Variants in HIVEP2 observed in about 807,000 individuals in gnomAD.
HIVEP2 encodes the protein transcription factor HIVEP2.
In HIVEP2, 14 loss-of-function variants were observed where a neutral mutation model predicts 180.7. The ratio of observed to expected loss-of-function variants is 0.08; its 90% CI spans 0.05 to 0.12. The LOEUF (loss-of-function observed/expected upper bound fraction) is 0.12. HIVEP2 is among the 10% of genes least tolerant of loss of function. The probability of loss-of-function intolerance (pLI) is 1.00; values close to 1 mark genes in which losing one functional copy is unlikely to be tolerated. For missense variants in HIVEP2, 2,579 were observed against 3,008.5 expected, an observed-to-expected ratio of 0.86 and a Z score of 3.34; for synonymous variants, 1,184 against 1,136.4, an observed-to-expected ratio of 1.04 and a Z score of -0.84.
chr6:142,934,721 C>G (rs1267896997), intron 1 of HIVEP2, among the ~76,000 whole-genome samples: 1 of 152,184 alleles, frequency 6.6e-6, no homozygotes, highest in Non-Finnish European at 1.5e-5. Context: ...AAGTACTGGA[C>G]CAGCCATCAA....
At chr6:142,761,425 T>A (rs1261851702) in intron 8 of HIVEP2, 39 bp downstream of exon 8, 1 of 997,554 alleles carries the variant, frequency 1.0e-6, no homozygotes. Flanking sequence ...CCACTGTGCA[T>A]AATGAAGAGG....
At chr6:142,768,250 G>T in intron 6 of HIVEP2, 132 bp downstream of exon 6, 1 of 805,836 alleles carries the variant, frequency 1.2e-6, no homozygotes, top group Non-Finnish European at 1.9e-6. Flanking sequence ...CCAGAGTTCA[G>T]AACTGTGAAT....
chr6:142,781,893 A>G (rs894314171), intron 3 of HIVEP2, among the ~76,000 whole-genome samples: 1 of 152,190 alleles, frequency 6.6e-6, no homozygotes, highest in Non-Finnish European at 1.5e-5. Flanking sequence ...GCAGAGGAAT[A>G]AAGACCTACA....
At chr6:142,837,117 C>T (rs1216020355) in intron 1 of HIVEP2, 70 bp from the exon 2 acceptor site, 1 of 152,088 alleles carries the variant, frequency 6.6e-6, no homozygotes, top group African/African-American at 2.4e-5. Context: ...ATTAATAACA[C>T]AAAAATCAAA....
At position 142,823,530 on chromosome 6, in the gene HIVEP2, TA is replaced by T. The variant is rs1395030443; in HGVS notation, c.-528+13404del. Among the ~76,000 whole-genome samples, 7 of 152,132 alleles carry T rather than the reference TA, an allele frequency of 4.6e-5. No individual in the cohort carries two copies. In the South Asian group the frequency reaches 1.0e-3, roughly 23 times the overall value. On this transcript the variant is annotated intron_variant, in intron 2 of 9. Coordinates refer to ENST00000367603, the MANE Select transcript of HIVEP2 (RefSeq NM_006734.4). ...TAATGCTTAGGTAAAAGAAAAGACT[TA>T]AGAGTCATTTCTCTCAGATGGTGTG...
intron 1 of HIVEP2, among the ~76,000 whole-genome samples, chr6:142,898,228 A>G (rs1428352879): frequency 6.6e-6 from 1 of 152,202 alleles, no homozygotes; most frequent in Non-Finnish European, 1.5e-5. Context: ...AGACCAGGAA[A>G]TCAAGGATCC....
At chr6:142,900,837 G>GT (rs1428765399) in intron 1 of HIVEP2, among the ~76,000 whole-genome samples, 2 of 152,128 alleles carry the variant, frequency 1.3e-5, no homozygotes, top group African/African-American at 2.4e-5. Context: ...GAGGGTTGAG[G>GT]TTTTTCCCCC....
In HIVEP2 at chr6:142,774,328, G is replaced by A. The variant is rs751098540; in HGVS notation, c.411C>T (p.Asp137=). ...PGPLPSVASE[D]LFPFPIHGHS... Reference sequence around the variant, plus strand: ...GGCCATGTATAGGAAAAGGAAATAAGTCCTCAGAGGCAACGGATGGCAAAG... The same window carrying A: ...GGCCATGTATAGGAAAAGGAAATAAATCCTCAGAGGCAACGGATGGCAAAG... The change falls in exon 5 of 10, where the codon GAC becomes GAT. Residue 137 remains aspartate, a synonymous_variant. Transcript: ENST00000367603. The surrounding 1 kb of genome is among the most constrained non-coding windows in gnomAD (Gnocchi z 5.1). 1.2e-6 allele frequency: 2 copies of A among 1,614,174 alleles called. No individual in the cohort carries two copies. Among genetic ancestry groups the A allele is most frequent in the African/African-American group, 2.7e-5 (2 of 75,026 alleles).
rs746667667 is a variant in HIVEP2 at position 142,753,918 on chromosome 6, C to A, written c.6530G>T (p.Gly2177Val). ...IVLGPPNLRR[G>V]LPQVPYFSLY... Reference sequence around the variant, plus strand: ...ACTGAAGTAAGGAACCTGAGGTAATCCTCTTCTTAAATTCTGCGCAGAGAA... The same window carrying A: ...ACTGAAGTAAGGAACCTGAGGTAATACTCTTCTTAAATTCTGCGCAGAGAA... Residue 2177 changes from glycine to valine, a missense_variant, in exon 10 of 10, where the codon GGA (glycine) becomes GTA (valine). Coordinates refer to ENST00000367603, the MANE Select transcript of HIVEP2 (RefSeq NM_006734.4). The A allele has an allele frequency of 1.3e-6, 2 of 1,583,170 alleles. No individual in the cohort carries two copies. The highest frequency in any genetic ancestry group is 1.4e-5 in the African/African-American group (1 of 73,696).
At chr6:142,765,216 C>T (rs897193614) in intron 6 of HIVEP2, among the ~76,000 whole-genome samples, 3 of 152,182 alleles carry the variant, frequency 2.0e-5, no homozygotes, top group Admixed American at 6.5e-5. Flanking sequence ...ATTGGCTTCA[C>T]TATTACATGT....
At chr6:142,802,497 A>C (rs1363225675) in intron 2 of HIVEP2, among the ~76,000 whole-genome samples, 1 of 152,104 alleles carries the variant, frequency 6.6e-6, no homozygotes, top group Non-Finnish European at 1.5e-5. Flanking sequence ...TGACTAGTAC[A>C]TCTGAGTCTT....
chr6:142,822,558 G>A (rs187217985), intron 2 of HIVEP2, among the ~76,000 whole-genome samples: 101 of 152,264 alleles, frequency 6.6e-4, no homozygotes, highest in Non-Finnish European at 1.2e-3. Flanking sequence ...GAATAATGAA[G>A]GAAGTGCTAA....
At chr6:142,910,227 A>C (rs1777368301) in intron 1 of HIVEP2, among the ~76,000 whole-genome samples, 1 of 152,242 alleles carries the variant, frequency 6.6e-6, no homozygotes, top group African/African-American at 2.4e-5. Flanking sequence ...TACCCAACTG[A>C]CCATGCCACC....
At chr6:142,831,545 G>A (rs1355974142) in intron 2 of HIVEP2, among the ~76,000 whole-genome samples, 3 of 152,182 alleles carry the variant, frequency 2.0e-5, no homozygotes, top group Admixed American at 1.3e-4. Flanking sequence ...AATGTCAGCT[G>A]TGCTTTGCCT....
chr6:142,847,981 A>C (rs1775558993), intron 1 of HIVEP2, among the ~76,000 whole-genome samples: 1 of 152,270 alleles, frequency 6.6e-6, no homozygotes, highest in Non-Finnish European at 1.5e-5. Context: ...CACAGTGCAG[A>C]GAACTTAATC....
At chr6:142,934,965 C>T (rs9496482) in intron 1 of HIVEP2, among the ~76,000 whole-genome samples, 32,535 of 152,090 alleles carry the variant, frequency 0.21, 3,617 homozygotes, top group African/African-American at 0.27. Context: ...GCAACAGCCA[C>T]CTTCACACAG....
intron 2 of HIVEP2, among the ~76,000 whole-genome samples, chr6:142,824,116 G>A (rs571384517): frequency 2.6e-5 from 4 of 152,016 alleles, no homozygotes; most frequent in South Asian, 2.1e-4. Context: ...TTTAGGTCCC[G>A]AGAATTAGTA....
In HIVEP2 at chr6:142,768,118, G is replaced by T. The variant is rs141962543; in HGVS notation, c.5342+264C>A. ...ACATCAAGTGTCCACCAATTTAGTA[G>T]ATTTCATAATAAATTAGAGGGGTGA... On this transcript the variant is annotated intron_variant, in intron 6 of 9. Transcript: ENST00000367603. Among the ~76,000 whole-genome samples the T allele has an allele frequency of 3.9e-5, 6 of 152,284 alleles. No individual in the cohort carries two copies. In the East Asian group the frequency reaches 1.2e-3, roughly 29 times the overall value.
intron 1 of HIVEP2, among the ~76,000 whole-genome samples, chr6:142,911,460 G>C (rs1007471461): frequency 6.6e-6 from 1 of 152,066 alleles, no homozygotes; most frequent in Non-Finnish European, 1.5e-5. Flanking sequence ...ATGAGATATT[G>C]GTTTGGGAAA....
Sources: gnomAD v4.1 joint callset for allele counts (sites outside exome capture counted in the v4.1 genomes callset) on GRCh38, gnomAD v4.1.1 for gene constraint, Gnocchi (gnomAD v3.1) non-coding constraint, MANE v1.5 for transcripts, NCBI Gene and HGNC (gene_info 2026-07-23, HGNC 2026-07-21) for gene names.